Variants in TAF6L observed in about 807,000 individuals in gnomAD.
The protein encoded by TAF6L is TAF6-like RNA polymerase II p300/CBP-associated factor-associated factor 65 kDa subunit 6L.
In TAF6L, 34 loss-of-function variants were observed where a neutral mutation model predicts 57.3. The ratio of observed to expected loss-of-function variants is 0.59; its 90% CI spans 0.45 to 0.79. TAF6L has a LOEUF of 0.79. Among genes scored for constraint, TAF6L ranks in the 30% least tolerant of loss-of-function variants. The probability of loss-of-function intolerance (pLI) is 0.00; values close to 1 mark genes in which losing one functional copy is unlikely to be tolerated. For missense variants in TAF6L, 782 were observed against 853.2 expected, an observed-to-expected ratio of 0.92 and a Z score of 1.04; for synonymous variants, 417 against 376.3, an observed-to-expected ratio of 1.11 and a Z score of -1.25.
At chr11:62,779,182 G>A (rs1240846265) in intron 6 of TAF6L, among the ~76,000 whole-genome samples, 1 of 151,694 alleles carries the variant, frequency 6.6e-6, no homozygotes, top group African/African-American at 2.4e-5. Context: ...CAGCATGCCC[G>A]GCTAATTTTG....
rs187660160 is a variant in TAF6L at position 62,777,008 on chromosome 11, G to A, written c.234+538G>A. 8.6e-3 allele frequency among the ~76,000 whole-genome samples: 1,313 copies of A among 152,088 alleles called. 8 individuals are homozygous for A. The highest frequency in any genetic ancestry group is 0.031 in the South Asian group (148 of 4,814). On this transcript the variant is annotated intron_variant, in intron 3 of 10. Transcript: ENST00000294168. Reference sequence around the variant, plus strand: ...CTAAAAATACAAAAATTAGCTGGCCGTGGCGGTGGGCGCCTGTAACCCCAG... The same window carrying A: ...CTAAAAATACAAAAATTAGCTGGCCATGGCGGTGGGCGCCTGTAACCCCAG...
At chr11:62,779,966 A>AT (rs1251987695) in intron 6 of TAF6L, among the ~76,000 whole-genome samples, 8 of 67,814 alleles carry the variant, frequency 1.2e-4, no homozygotes, top group African/African-American at 3.5e-4. Flanking sequence ...ATATATATAT[A>AT]TATATATATA....
Position 62,786,762 on chromosome 11 carries a change from C to T in TAF6L, c.1335C>T (p.Tyr445=), listed in dbSNP as rs935311519. The change falls in exon 11 of 11, where the codon TAC becomes TAT. Residue 445 remains tyrosine, a synonymous_variant. Coordinates refer to ENST00000294168, the MANE Select transcript of TAF6L (RefSeq NM_006473.4). ...VTLADIYREL[Y]AFFGDSLATR... is the part of the protein sequence containing the mutation. ...TGGCCGACATCTACCGGGAGCTCTA[C>T]GCCTTCTTCGGTGACAGCTTGGCCA... The T allele has an allele frequency of 3.1e-6, 5 of 1,612,804 alleles. No individual in the cohort carries two copies. Among genetic ancestry groups the T allele is most frequent in the African/African-American group, 2.7e-5 (2 of 74,920 alleles).
At position 62,786,612 on chromosome 11, in the gene TAF6L, G is replaced by C. The variant is rs141021906; in HGVS notation, c.1185G>C (p.Leu395=). The change falls in exon 11 of 11, where the codon CTG becomes CTC. Residue 395 remains leucine (L), a synonymous_variant. Coordinates refer to ENST00000294168, the MANE Select transcript of TAF6L (RefSeq NM_006473.4). ...GGRGCRRLDD[L]PWDSLLFQES... ...GGGGGTGCCGGCGCCTGGACGACCT[G>C]CCATGGGACAGCCTTCTCTTTCAAG... 1,482 of 1,594,332 alleles carry C rather than the reference G, an allele frequency of 9.3e-4. 1 individual carries two copies. The highest frequency in any genetic ancestry group is 1.2e-3 in the Non-Finnish European group (1,395 of 1,169,754).
At chr11:62,785,393 G>A (rs501924) in intron 9 of TAF6L, among the ~76,000 whole-genome samples, 21,430 of 150,648 alleles carry the variant, frequency 0.14, 2,575 homozygotes, top group African/African-American at 0.33. Flanking sequence ...GGGTTTCACT[G>A]TGCTGGCCAG....
At chr11:62,776,343 T>G in intron 2 of TAF6L, 41 bp from the exon 3 acceptor site, 1 of 1,607,214 alleles carries the variant, frequency 6.2e-7, no homozygotes, top group South Asian at 1.1e-5. Flanking sequence ...TGCCCCCTGC[T>G]TCACATCCTT....
rs917984926 is a variant in TAF6L, at chr11:62,777,980, T to C, written c.237T>C (p.Ala79=). The stretch of plus-strand genomic sequence containing the variant: ...TCTCCAATTCCCTTTTTCCTCAGGC[T>C]GTGTGTGGTTACGGATCACAGGAGG... The part of the protein sequence containing the change: ...NRALRWSSVE[A]VCGYGSQEAL... Residue 79 remains alanine, a splice_region_variant and synonymous_variant, in exon 4 of 11, where the codon GCT becomes GCC. Coordinates refer to ENST00000294168, the MANE Select transcript of TAF6L (RefSeq NM_006473.4). 3.1e-6 allele frequency: 5 copies of C among 1,613,990 alleles called. No homozygotes were observed. The African/African-American group carries it at 4.0e-5, about 13-fold the overall frequency.
At chr11:62,775,708 A>G (rs542242) in intron 1 of TAF6L, 63 bp from the exon 2 acceptor site, 60,478 of 1,519,994 alleles carry the variant, frequency 0.04, 4,686 homozygotes, top group African/African-American at 0.31. Flanking sequence ...AGGGTGTTGG[A>G]TCACACTCCT....
At chr11:62,771,618 C>G (rs2084147757) in intron 1 of TAF6L, 128 bp downstream of exon 1, 1 of 180,152 alleles carries the variant, frequency 5.6e-6, no homozygotes, top group Non-Finnish European at 1.2e-5. Flanking sequence ...TTCAGTGACC[C>G]CTGACCTCCT....
rs528944612 is a variant in TAF6L, at chr11:62,775,231, A to T, written c.-13-540A>T. 2.0e-5 allele frequency among the ~76,000 whole-genome samples: 3 copies of T among 152,264 alleles called. No homozygotes were observed. The South Asian group carries it at 6.2e-4, about 32-fold the overall frequency. On this transcript the variant is annotated intron_variant, in intron 1 of 10. Coordinates refer to ENST00000294168, the MANE Select transcript of TAF6L (RefSeq NM_006473.4). ...GAGAAGTGCCGAGCAAAAGGGGGAA[A>T]AGCTCTTTATAAAACCATTAGATCT... is the stretch of plus-strand genomic sequence containing the variant.
intron 9 of TAF6L, among the ~76,000 whole-genome samples, chr11:62,785,538 CTTT>C (rs1205888751): frequency 7.3e-6 from 1 of 136,388 alleles, no homozygotes. Context: ...ATAGTTAATT[CTTT>C]TTTTTTTTTT....
intron 6 of TAF6L, among the ~76,000 whole-genome samples, chr11:62,779,976 A>ATT (rs1277954265): frequency 2.9e-4 from 15 of 52,622 alleles, no homozygotes; most frequent in African/African-American, 1.1e-3. Context: ...ATATATATAT[A>ATT]TTTTTTTTTT....
chr11:62,782,604 T>C, intron 8 of TAF6L, 89 bp from the exon 9 acceptor site: 1 of 1,560,024 alleles, frequency 6.4e-7, no homozygotes, highest in South Asian at 1.2e-5. Flanking sequence ...GAGTGTGCTG[T>C]ACAGATGCTA....
intron 2 of TAF6L, 99 bp downstream of exon 2, chr11:62,776,029 C>T: frequency 1.4e-6 from 2 of 1,398,232 alleles, no homozygotes; most frequent in African/African-American, 1.4e-5. Flanking sequence ...CACTGGGTGC[C>T]TGCTCCATAC....
At chr11:62,775,533 A>T (rs2084179918) in intron 1 of TAF6L, 1 of 441,046 alleles carries the variant, frequency 2.3e-6, no homozygotes, top group South Asian at 3.3e-5. Flanking sequence ...CAGGGCAGGA[A>T]TGGGACCTAG....
intron 4 of TAF6L, 76 bp from the exon 5 acceptor site, chr11:62,778,209 G>C: frequency 6.2e-7 from 1 of 1,613,596 alleles, no homozygotes; most frequent in South Asian, 1.1e-5. Context: ...TGGTGGAAGA[G>C]GCAGAACTTG....
chr11:62,782,596 G>C, intron 8 of TAF6L, 97 bp from the exon 9 acceptor site: 7 of 1,529,510 alleles, frequency 4.6e-6, no homozygotes, highest in Non-Finnish European at 6.2e-6. Flanking sequence ...GCACTCCCGA[G>C]TGTGCTGTAC....
At chr11:62,781,601 G>A (rs985700888) in intron 6 of TAF6L, 5 of 328,298 alleles carry the variant, frequency 1.5e-5, no homozygotes, top group African/African-American at 1.1e-4. Flanking sequence ...GTAAAACCTG[G>A]GAGGTGGAGC....
intron 9 of TAF6L, among the ~76,000 whole-genome samples, chr11:62,784,635 T>C (rs1325340587): frequency 1.3e-5 from 2 of 152,192 alleles, no homozygotes; most frequent in Non-Finnish European, 2.9e-5. Flanking sequence ...TCAATTTATA[T>C]TGGATTTTTA....
Sources: gnomAD v4.1 joint callset for allele counts (sites outside exome capture counted in the v4.1 genomes callset) on GRCh38, gnomAD v4.1.1 for gene constraint, MANE v1.5 for transcripts, NCBI Gene and HGNC (gene_info 2026-07-23, HGNC 2026-07-21) for gene names.